Variants in CREB3L2 observed in about 807,000 individuals in gnomAD.
CREB3L2 encodes cyclic AMP-responsive element-binding protein 3-like protein 2.
CREB3L2 carries 23 observed loss-of-function variants against 57.2 expected under a neutral mutation model. The ratio of observed to expected loss-of-function variants is 0.40; its 90% CI spans 0.29 to 0.57. CREB3L2 has a LOEUF of 0.57. Ranked by LOEUF, CREB3L2 falls within the 20% of genes least tolerant of loss-of-function variation. The pLI is 0.42. For synonymous variants in CREB3L2, 268 were observed against 265.1 expected (o/e 1.01, Z -0.11); for missense variants, 628 against 634.7 (o/e 0.99, Z 0.11).
At chr7:137,969,340 CTTTTT>C (rs71177936) in intron 1 of CREB3L2, among the ~76,000 whole-genome samples, 3 of 77,064 alleles carry the variant, frequency 3.9e-5, no homozygotes, top group Non-Finnish European at 7.1e-5. Flanking sequence ...TTATGATCTT[CTTTTT>C]TTTTTTTTTT....
chr7:137,993,278 C>T (rs1486533097), intron 1 of CREB3L2, among the ~76,000 whole-genome samples: 1 of 152,126 alleles, frequency 6.6e-6, no homozygotes, highest in African/African-American at 2.4e-5. Flanking sequence ...TACCCAAGGT[C>T]ACCAGAGAGC....
intron 1 of CREB3L2, among the ~76,000 whole-genome samples, chr7:137,946,323 C>A (rs577871556): frequency 6.6e-6 from 1 of 151,210 alleles, no homozygotes; most frequent in African/African-American, 2.4e-5. Flanking sequence ...CTGAGCGGGT[C>A]TGATCTAATA....
At position 137,879,945 on chromosome 7, in the gene CREB3L2, G is replaced by A. The variant is rs1446479780; in HGVS notation, c.*531C>T. 1.7e-5 allele frequency: 4 copies of A among 236,894 alleles called. No homozygotes were observed. Among genetic ancestry groups the A allele is most frequent in the East Asian group, 6.0e-5 (1 of 16,584 alleles). The allele number at this position is 236,894 out of a possible 1,614,324, so 14.7% of individuals were successfully genotyped here. A position where few individuals can be genotyped will look rare whatever the true frequency, so the allele number is the denominator to read the frequency against. On this transcript the variant is annotated 3_prime_UTR_variant, in exon 12 of 12. Coordinates refer to ENST00000330387, the MANE Select transcript of CREB3L2 (RefSeq NM_194071.4). ...CCAGTGCTGCTGCAGGAGACGAGAC[G>A]ATCCAGCGAGGGCTCCCAGGGGGCA...
chr7:137,901,545 G>A, intron 7 of CREB3L2, 123 bp from the exon 8 acceptor site: 1 of 580,552 alleles, frequency 1.7e-6, no homozygotes, highest in East Asian at 3.0e-5. Context: ...CCCCATGGAA[G>A]TGTGGGAAAG....
chr7:137,988,265 C>T (rs751391906), intron 1 of CREB3L2, among the ~76,000 whole-genome samples: 21 of 152,244 alleles, frequency 1.4e-4, no homozygotes, highest in Middle Eastern at 3.2e-3. Flanking sequence ...AGCCACGGCA[C>T]GTGGGAGGCA....
At chr7:137,925,761 T>G (rs1800441164) in intron 2 of CREB3L2, among the ~76,000 whole-genome samples, 1 of 152,224 alleles carries the variant, frequency 6.6e-6, no homozygotes, top group East Asian at 1.9e-4. Context: ...CCACACTGCC[T>G]CACTCTGATT....
chr7:137,937,872 T>C (rs540317870), intron 1 of CREB3L2, among the ~76,000 whole-genome samples: 5 of 150,552 alleles, frequency 3.3e-5, no homozygotes, highest in Non-Finnish European at 7.4e-5. Context: ...CCTTGCTTGG[T>C]AGTATCCAGA....
At chr7:137,894,851 C>T (rs1392044572) in intron 8 of CREB3L2, among the ~76,000 whole-genome samples, 1 of 152,184 alleles carries the variant, frequency 6.6e-6, no homozygotes, top group African/African-American at 2.4e-5. Flanking sequence ...GGTATAGCAG[C>T]AAGAGAAACC....
In CREB3L2 at chr7:137,903,904, C is replaced by T. The variant is rs1012805040; in HGVS notation, c.974+55G>A. ...GCTTCTCCCCGATTCTCCGCACACC[C>T]ATATTTCCCTGTGCATACTGCCCGA... is the stretch of plus-strand genomic sequence containing the variant. On this transcript the variant is annotated intron_variant, in intron 7 of 11. Transcript: ENST00000330387. 20 of 1,393,562 alleles carry T rather than the reference C, an allele frequency of 1.4e-5. No individual in the cohort carries two copies. In the African/African-American group the frequency reaches 1.6e-4, roughly 11 times the overall value. The allele number at this position is 1,393,562 out of a possible 1,614,324, so 86.3% of individuals were successfully genotyped here.
At chr7:137,927,901 C>G (rs994830167) in intron 2 of CREB3L2, among the ~76,000 whole-genome samples, 2 of 152,058 alleles carry the variant, frequency 1.3e-5, no homozygotes, top group Non-Finnish European at 2.9e-5. Flanking sequence ...CTGCTGAAGC[C>G]ATAGGGTGAA....
In CREB3L2 at chr7:137,875,871, T is replaced by C. The variant is rs1042156311; in HGVS notation, c.*4605A>G. ...CTTCCTTCTAGAAACCAAGGCTAAATAAAACATTCCTGAATTTTATGTTGT... is the reference window on the plus strand; with the variant it reads ...CTTCCTTCTAGAAACCAAGGCTAAACAAAACATTCCTGAATTTTATGTTGT... On this transcript the variant is annotated 3_prime_UTR_variant, in exon 12 of 12. Coordinates refer to ENST00000330387, the MANE Select transcript of CREB3L2 (RefSeq NM_194071.4). 8.9e-6 allele frequency: 2 copies of C among 224,758 alleles called. No individual in the cohort carries two copies. Among genetic ancestry groups the C allele is most frequent in the Non-Finnish European group, 1.8e-5 (2 of 112,900 alleles). 13.9% of individuals were successfully genotyped at this position (224,758 alleles called of 1,614,324 possible). A position where few individuals can be genotyped will look rare whatever the true frequency, so the allele number is the denominator to read the frequency against.
intron 2 of CREB3L2, among the ~76,000 whole-genome samples, chr7:137,922,384 GTATATATATATA>G (rs1175503933): frequency 1.0e-4 from 2 of 19,582 alleles, no homozygotes; most frequent in Non-Finnish European, 1.7e-4. Flanking sequence ...ATATATATAT[GTATATATATATA>G]TATATATATA....
chr7:137,969,514 T>C (rs1218688017), intron 1 of CREB3L2, among the ~76,000 whole-genome samples: 1 of 148,556 alleles, frequency 6.7e-6, no homozygotes, highest in Non-Finnish European at 1.5e-5. Flanking sequence ...ACCCGGCTAA[T>C]TTTTTTTTTG....
chr7:137,927,280 G>GGAAAGGAAA (rs1491492982), intron 2 of CREB3L2, among the ~76,000 whole-genome samples: 1 of 122,982 alleles, frequency 8.1e-6, no homozygotes, highest in African/African-American at 4.8e-5. Flanking sequence ...AAGGAAAGGA[G>GGAAAGGAAA]GAAGGAAGGA....
At chr7:137,928,037 A>T (rs1800515308) in intron 2 of CREB3L2, 113 bp downstream of exon 2, 3 of 805,066 alleles carry the variant, frequency 3.7e-6, no homozygotes, top group Non-Finnish European at 6.2e-6. Flanking sequence ...CACTGTAGGT[A>T]TCTCACTAAT....
At chr7:137,970,257 G>T (rs1801484382) in intron 1 of CREB3L2, among the ~76,000 whole-genome samples, 1 of 152,250 alleles carries the variant, frequency 6.6e-6, no homozygotes, top group Admixed American at 6.5e-5. Context: ...AAGACAGGAT[G>T]TATAGTACTA....
chr7:137,920,717 A>T (rs1195731812), intron 2 of CREB3L2, among the ~76,000 whole-genome samples: 5 of 152,254 alleles, frequency 3.3e-5, no homozygotes, highest in Non-Finnish European at 1.5e-5. Flanking sequence ...TTGGCTGATC[A>T]GACCTACTAG....
At chr7:137,963,124 C>T (rs1392515571) in intron 1 of CREB3L2, among the ~76,000 whole-genome samples, 1 of 152,174 alleles carries the variant, frequency 6.6e-6, no homozygotes, top group Non-Finnish European at 1.5e-5. Flanking sequence ...GCCTGCAACG[C>T]CTGGAAAGTC....
chr7:137,957,861 T>C (rs748575418), intron 1 of CREB3L2: 1 of 1,027,748 alleles, frequency 9.7e-7, no homozygotes, highest in Non-Finnish European at 1.3e-6. Flanking sequence ...GATGCATTCC[T>C]ACTAATTTTT....
Sources: gnomAD v4.1 joint callset for allele counts (sites outside exome capture counted in the v4.1 genomes callset) on GRCh38, gnomAD v4.1.1 for gene constraint, MANE v1.5 for transcripts, NCBI Gene and HGNC (gene_info 2026-07-23, HGNC 2026-07-21) for gene names.